Variants in CDH18 observed in about 807,000 individuals in gnomAD.
CDH18 encodes cadherin-18.
In CDH18, 31 loss-of-function variants were observed where a neutral mutation model predicts 67.9. That is an observed-to-expected ratio of 0.46 (90% CI 0.34 to 0.62). The LOEUF (loss-of-function observed/expected upper bound fraction) is 0.62. CDH18 is among the 20% of genes least tolerant of loss of function. CDH18 has a pLI of 0.01. For synonymous variants in CDH18, 362 were observed against 347.2 expected (o/e 1.04, Z -0.48); for missense variants, 890 against 975.5 (o/e 0.91, Z 1.17).
intron 1 of CDH18, among the ~76,000 whole-genome samples, chr5:20,452,333 A>G (rs1367464893): frequency 6.6e-6 from 1 of 152,176 alleles, no homozygotes; most frequent in Non-Finnish European, 1.5e-5. Context: ...TGCACTCATT[A>G]GATGAGATGA....
At chr5:19,953,935 G>A (rs1796029586) in intron 2 of CDH18, among the ~76,000 whole-genome samples, 1 of 151,920 alleles carries the variant, frequency 6.6e-6, no homozygotes, top group African/African-American at 2.4e-5. Flanking sequence ...CTTGAAAAAG[G>A]AATATATTTT....
intron 3 of CDH18, among the ~76,000 whole-genome samples, chr5:19,817,805 T>G (rs757426406): frequency 2.0e-5 from 3 of 152,126 alleles, no homozygotes; most frequent in Non-Finnish European, 2.9e-5. Flanking sequence ...AAACATTTCC[T>G]GTGAATGGTC....
intron 1 of CDH18, among the ~76,000 whole-genome samples, chr5:20,316,422 G>T (rs1737469803): frequency 6.6e-6 from 1 of 151,966 alleles, no homozygotes; most frequent in Admixed American, 6.6e-5. Flanking sequence ...ATTGTATTCA[G>T]ATTACTCCAG....
At chr5:19,526,576 G>A (rs559650016) in intron 9 of CDH18, among the ~76,000 whole-genome samples, 1 of 151,952 alleles carries the variant, frequency 6.6e-6, no homozygotes, top group Admixed American at 6.6e-5. Context: ...ACATTGAATG[G>A]AAAAAATAAA....
chr5:20,178,324 C>T (rs1412308145), intron 2 of CDH18, among the ~76,000 whole-genome samples: 1 of 151,906 alleles, frequency 6.6e-6, no homozygotes, highest in African/African-American at 2.4e-5. Context: ...ATAAATCTCT[C>T]TTTCTTTTTA....
At chr5:20,312,750 T>C (rs1183123300) in intron 1 of CDH18, among the ~76,000 whole-genome samples, 1 of 152,152 alleles carries the variant, frequency 6.6e-6, no homozygotes. Context: ...GTCTTAAAGA[T>C]AGTTTAGAAG....
At position 20,301,083 on chromosome 5, in the gene CDH18, C is replaced by G. The variant is rs189308290; in HGVS notation, c.-579-45578G>C. Among the ~76,000 whole-genome samples the G allele has an allele frequency of 2.4e-4, 36 of 152,160 alleles. No homozygotes were observed. The East Asian group carries it at 4.8e-3, about 20-fold the overall frequency. ...ATATCTTTATGGGAGACTTTCTATT[C>G]TATTGTGTCTTTTTTTCAATGAGCA... On this transcript the variant is annotated intron_variant, in intron 1 of 14. Transcript: ENST00000507958.
intron 3 of CDH18, among the ~76,000 whole-genome samples, chr5:19,750,987 C>T (rs942854894): frequency 1.3e-5 from 2 of 151,808 alleles, no homozygotes; most frequent in African/African-American, 2.4e-5. Context: ...CTTTAGAGAA[C>T]GGCAAAGGAA....
At chr5:20,461,279 G>T (rs1293303696) in intron 1 of CDH18, among the ~76,000 whole-genome samples, 1 of 152,126 alleles carries the variant, frequency 6.6e-6, no homozygotes, top group Non-Finnish European at 1.5e-5. Flanking sequence ...TCCTGTTGGT[G>T]ATCTTGTAAA....
intron 1 of CDH18, among the ~76,000 whole-genome samples, chr5:20,370,421 C>A (rs1268811189): frequency 6.6e-6 from 1 of 151,942 alleles, no homozygotes; most frequent in Non-Finnish European, 1.5e-5. Flanking sequence ...ATAACTGAAA[C>A]TCAGGGAAAT....
intron 5 of CDH18, among the ~76,000 whole-genome samples, chr5:19,673,060 G>A (rs1042241928): frequency 6.6e-6 from 1 of 151,950 alleles, no homozygotes; most frequent in African/African-American, 2.4e-5. Context: ...TTTCATTTAA[G>A]ATAAAACAAT....
chr5:20,201,166 T>A (rs1394036793), intron 2 of CDH18, among the ~76,000 whole-genome samples: 1 of 151,872 alleles, frequency 6.6e-6, no homozygotes, highest in African/African-American at 2.4e-5. Context: ...GCCAGCAATC[T>A]TGGGCATTCT....
At chr5:20,247,531 C>A (rs1054966292) in intron 2 of CDH18, among the ~76,000 whole-genome samples, 1 of 151,910 alleles carries the variant, frequency 6.6e-6, no homozygotes, top group Non-Finnish European at 1.5e-5. Flanking sequence ...CTTTGGAGGG[C>A]GAAATGGGTG....
intron 8 of CDH18, among the ~76,000 whole-genome samples, chr5:19,564,998 G>T (rs1740117057): frequency 6.6e-6 from 1 of 151,796 alleles, no homozygotes; most frequent in Non-Finnish European, 1.5e-5. Flanking sequence ...TTGTCTTGTG[G>T]CTGGGGTGTC....
At chr5:20,568,560 A>C (rs1337949473) in intron 1 of CDH18, among the ~76,000 whole-genome samples, 4 of 152,170 alleles carry the variant, frequency 2.6e-5, no homozygotes, top group Non-Finnish European at 5.9e-5. Flanking sequence ...AGAATATTAA[A>C]AGCAAACTAA....
intron 2 of CDH18, among the ~76,000 whole-genome samples, chr5:20,240,685 TC>T (rs1257693931): frequency 6.6e-6 from 1 of 152,242 alleles, no homozygotes; most frequent in African/African-American, 2.4e-5. Flanking sequence ...TATTTTAATA[TC>T]TGTAAAGTTT....
intron 1 of CDH18, among the ~76,000 whole-genome samples, chr5:20,309,579 T>C (rs1292167403): frequency 6.6e-6 from 1 of 152,214 alleles, no homozygotes; most frequent in Non-Finnish European, 1.5e-5. Flanking sequence ...CTGAAGACAG[T>C]TACTGCTGCC....
chr5:19,904,066 G>C (rs781622599), intron 2 of CDH18, among the ~76,000 whole-genome samples: 3 of 151,818 alleles, frequency 2.0e-5, no homozygotes, highest in Non-Finnish European at 4.4e-5. Context: ...CTGAGGTCAG[G>C]AATTCAAGGG....
chr5:19,698,712 A>G (rs2150462544), intron 5 of CDH18, among the ~76,000 whole-genome samples: 1 of 152,244 alleles, frequency 6.6e-6, no homozygotes, highest in South Asian at 2.1e-4. Flanking sequence ...ATGTATACAT[A>G]AATGACACCT....
Sources: gnomAD v4.1 joint callset for allele counts (sites outside exome capture counted in the v4.1 genomes callset) on GRCh38, gnomAD v4.1.1 for gene constraint, MANE v1.5 for transcripts, NCBI Gene and HGNC (gene_info 2026-07-23, HGNC 2026-07-21) for gene names.